Variants in MKNK1 observed in about 807,000 individuals in gnomAD.
The protein encoded by MKNK1 is MAP kinase-interacting serine/threonine-protein kinase 1.
A neutral mutation model predicts 49.3 loss-of-function variants in MKNK1; 30 were observed. The observed-to-expected ratio is 0.61, with a 90% confidence interval of 0.46 to 0.83. The LOEUF (loss-of-function observed/expected upper bound fraction) is 0.83. MKNK1 is among the 40% of genes least tolerant of loss of function. The pLI is 0.00. For synonymous variants in MKNK1, 176 were observed against 201.7 expected (o/e 0.87, Z 1.08); for missense variants, 423 against 524.7 (o/e 0.81, Z 1.89).
intron 4 of MKNK1, among the ~76,000 whole-genome samples, chr1:46,579,980 T>G (rs1671506493): frequency 6.6e-6 from 1 of 152,216 alleles, no homozygotes; most frequent in African/African-American, 2.4e-5. Flanking sequence ...AACACTTGGA[T>G]AGCATTTTGT....
At chr1:46,561,752 A>T in intron 10 of MKNK1, 110 bp from the exon 11 acceptor site, 1 of 1,280,260 alleles carries the variant, frequency 7.8e-7, no homozygotes, top group Admixed American at 2.2e-5. Flanking sequence ...GCTGCAGCTC[A>T]TGGCTTGGGG....
chr1:46,602,747 G>T (rs1373357813), intron 1 of MKNK1, among the ~76,000 whole-genome samples: 2 of 152,200 alleles, frequency 1.3e-5, no homozygotes, highest in African/African-American at 4.8e-5. Context: ...GAAGCCAAAA[G>T]ATTGGACACC....
chr1:46,564,274 G>C (rs1027989250), intron 9 of MKNK1, among the ~76,000 whole-genome samples: 1 of 151,694 alleles, frequency 6.6e-6, no homozygotes, highest in African/African-American at 2.4e-5. Flanking sequence ...TCCCACCACA[G>C]AGAGACTATC....
Position 46,583,165 on chromosome 1 carries a change from C to T in MKNK1, c.100+63G>A, listed in dbSNP as rs375508264. ...ATTCTGTGATCGGACCTGTGGCTCC[C>T]GGGATGCTCCTCCCATGCTTGGGAA... On this transcript the variant is annotated intron_variant, in intron 3 of 12. Coordinates refer to ENST00000371945, the MANE Select transcript of MKNK1 (RefSeq NM_001135553.4). 30 of 1,325,710 alleles carry T rather than the reference C, an allele frequency of 2.3e-5. No individual in the cohort carries two copies. The African/African-American group carries it at 2.9e-4, about 13-fold the overall frequency. The allele number at this position is 1,325,710 out of a possible 1,614,324, so 82.1% of individuals were successfully genotyped here.
At chr1:46,568,193 T>C in intron 8 of MKNK1, 1 of 461,312 alleles carries the variant, frequency 2.2e-6, no homozygotes, top group Non-Finnish European at 3.9e-6. Flanking sequence ...TAGAAAATAT[T>C]AATTTTGTGC....
intron 1 of MKNK1, among the ~76,000 whole-genome samples, chr1:46,599,666 G>A (rs1674495122): frequency 1.3e-5 from 2 of 152,172 alleles, no homozygotes; most frequent in Non-Finnish European, 2.9e-5. Context: ...GGCATTTGGA[G>A]CCTCTAGCAT....
chr1:46,568,692 C>T, intron 7 of MKNK1, 194 bp from the exon 8 acceptor site: 1 of 594,748 alleles, frequency 1.7e-6, no homozygotes, highest in Admixed American at 2.9e-5. Context: ...TCTGCGGGTT[C>T]TTTTGAAGAG....
rs902007970 is a variant in MKNK1 at position 46,597,221 on chromosome 1, T to C, written c.-170-2941A>G. On this transcript the variant is annotated intron_variant, in intron 1 of 12. Coordinates refer to ENST00000371945, the MANE Select transcript of MKNK1 (RefSeq NM_001135553.4). ...GCGAGGCACCCAATTCTCTCTCAATTGTTCATGAATTTCTTGCTGTACTGG... is the reference window on the plus strand; with the variant it reads ...GCGAGGCACCCAATTCTCTCTCAATCGTTCATGAATTTCTTGCTGTACTGG... 7.9e-5 allele frequency among the ~76,000 whole-genome samples: 12 copies of C among 151,906 alleles called. 1 individual carries two copies. Among genetic ancestry groups the C allele is most frequent in the Admixed American group, 5.9e-4 (9 of 15,260 alleles).
intron 4 of MKNK1, among the ~76,000 whole-genome samples, chr1:46,578,849 G>A (rs928594220): frequency 1.3e-5 from 2 of 151,820 alleles, no homozygotes; most frequent in East Asian, 1.9e-4. Flanking sequence ...TCTACCTCCC[G>A]GGTTCATGGG....
In MKNK1 at chr1:46,603,704, G is replaced by A. The variant is rs367897182; in HGVS notation, c.-171+481C>T. Among the ~76,000 whole-genome samples, 5 of 152,308 alleles carry A rather than the reference G, an allele frequency of 3.3e-5. No individual in the cohort carries two copies. The South Asian group carries it at 1.0e-3, about 32-fold the overall frequency. On this transcript the variant is annotated intron_variant, in intron 1 of 12. Coordinates refer to ENST00000371945, the MANE Select transcript of MKNK1 (RefSeq NM_001135553.4). ...TGATCTGCCACTGTCAGGGAGCTTG[G>A]AGCTCTCTAGAAGACAGGGTGCACC...
chr1:46,567,952 T>C (rs1669366550), intron 8 of MKNK1, among the ~76,000 whole-genome samples: 1 of 152,076 alleles, frequency 6.6e-6, no homozygotes, highest in Admixed American at 6.6e-5. Flanking sequence ...GAAACCCCTG[T>C]CTCTACTAAA....
At chr1:46,591,873 C>A (rs906192820) in intron 2 of MKNK1, among the ~76,000 whole-genome samples, 2 of 152,070 alleles carry the variant, frequency 1.3e-5, no homozygotes, top group African/African-American at 4.8e-5. Context: ...TAAAGAGATC[C>A]GTACTCAGGG....
intron 7 of MKNK1, chr1:46,571,652 G>A (rs1161135138): frequency 5.8e-6 from 2 of 344,582 alleles, no homozygotes; most frequent in South Asian, 2.2e-5. Flanking sequence ...CAGAGGTGAT[G>A]TATATTTTAA....
chr1:46,575,109 A>G (rs1382553767), intron 5 of MKNK1, 89 bp from the exon 6 acceptor site: 5 of 833,972 alleles, frequency 6.0e-6, no homozygotes, highest in Non-Finnish European at 9.4e-6. Context: ...TGAAAAAAAT[A>G]TACAACACCT....
intron 8 of MKNK1, among the ~76,000 whole-genome samples, chr1:46,567,246 T>A (rs982027099): frequency 2.0e-5 from 3 of 152,160 alleles, no homozygotes; most frequent in African/African-American, 7.2e-5. Flanking sequence ...TGGTCCCAAT[T>A]ATTCCTCTCT....
chr1:46,577,117 C>G (rs565941001), intron 4 of MKNK1, among the ~76,000 whole-genome samples: 1 of 152,198 alleles, frequency 6.6e-6, no homozygotes, highest in Admixed American at 6.5e-5. Context: ...GCTGCCTCCA[C>G]GATCCCCCTG....
rs796118392 is a variant in MKNK1 at position 46,592,739 on chromosome 1, G to T, written c.-3+1374C>A. Among the ~76,000 whole-genome samples, 5 of 152,180 alleles carry T rather than the reference G, an allele frequency of 3.3e-5. No individual in the cohort carries two copies. In the South Asian group the frequency reaches 1.0e-3, roughly 31 times the overall value. On this transcript the variant is annotated intron_variant, in intron 2 of 12. Transcript: ENST00000371945. The stretch of plus-strand genomic sequence containing the variant: ...CCTACCAAATGACTGAAGAAGGTGG[G>T]GGCAAAGACCACAGCCCTCCTTGAA...
rs1673037468 is a variant in MKNK1 at position 46,589,337 on chromosome 1, G to A, written c.-3+4776C>T. Reference sequence around the variant, plus strand: ...GGACAGGGCTGAGGCCTGGAAGAGAGTGTCCCAGACCAAGGAAGGGCACAG... The same window carrying A: ...GGACAGGGCTGAGGCCTGGAAGAGAATGTCCCAGACCAAGGAAGGGCACAG... On this transcript the variant is annotated intron_variant, in intron 2 of 12. Transcript: ENST00000371945. This position sits in a 1 kb window ranked among gnomAD's most constrained non-coding sequence, Gnocchi z 4.3. 6.6e-6 allele frequency among the ~76,000 whole-genome samples: 1 copy of A among 152,152 alleles called. No homozygotes were observed. The highest frequency in any genetic ancestry group is 1.5e-5 in the Non-Finnish European group (1 of 68,040).
intron 10 of MKNK1, among the ~76,000 whole-genome samples, chr1:46,562,350 C>T (rs1335496117): frequency 3.1e-5 from 4 of 129,302 alleles, no homozygotes; most frequent in Non-Finnish European, 4.7e-5. Flanking sequence ...GAGTCGAGAT[C>T]GTGCCATTGC....
Sources: allele counts gnomAD v4.1 joint callset (sites outside exome capture counted in the v4.1 genomes callset), GRCh38; gene constraint gnomAD v4.1.1; non-coding constraint Gnocchi (gnomAD v3.1); transcripts MANE v1.5; gene names NCBI Gene and HGNC (gene_info 2026-07-23, HGNC 2026-07-21).